The following PHIP variants were observed in gnomAD, a reference collection of about 807,000 sequenced individuals.
The protein encoded by PHIP is PHIP subunit of CUL4-Ring ligase complex.
A neutral mutation model predicts 236.8 loss-of-function variants in PHIP; 54 were observed. The observed-to-expected ratio is 0.23, with a 90% CI of 0.18 to 0.29. The LOEUF (loss-of-function observed/expected upper bound fraction) is 0.29, where lower values mean the gene tolerates loss of function less well. PHIP is among the 10% of genes least tolerant of loss of function. The probability of loss-of-function intolerance (pLI) is 1.00; values close to 1 mark genes in which losing one functional copy is unlikely to be tolerated. For synonymous variants in PHIP, 756 were observed against 718.9 expected (o/e 1.05, Z -0.83); for missense variants, 1,370 against 2,190.8 (o/e 0.63, Z 7.48).
At chr6:79,069,897 T>C (rs1773802151) in intron 4 of PHIP, among the ~76,000 whole-genome samples, 1 of 152,076 alleles carries the variant, frequency 6.6e-6, no homozygotes, top group Non-Finnish European at 1.5e-5. Context: ...TGTTAAGAAT[T>C]CATTTAGATA....
intron 27 of PHIP, among the ~76,000 whole-genome samples, chr6:78,969,207 C>G (rs117634185): frequency 4.9e-4 from 74 of 152,274 alleles, no homozygotes; most frequent in Non-Finnish European, 7.6e-4. Context: ...GACAAACCAC[C>G]ATGTCAATGC....
At chr6:79,016,747 T>C (rs1770849698) in intron 12 of PHIP, 105 bp from the exon 13 acceptor site, 1 of 662,752 alleles carries the variant, frequency 1.5e-6, no homozygotes, top group African/African-American at 1.8e-5. Flanking sequence ...CATCTTTATT[T>C]ATGCAGCATT....
At chr6:78,968,091 C>T (rs924828172) in intron 27 of PHIP, among the ~76,000 whole-genome samples, 1 of 152,062 alleles carries the variant, frequency 6.6e-6, no homozygotes, top group African/African-American at 2.4e-5. Flanking sequence ...GCCAAGATCA[C>T]GGCACTGCAC....
intron 6 of PHIP, among the ~76,000 whole-genome samples, chr6:79,052,847 G>A (rs1387957347): frequency 1.3e-5 from 2 of 152,046 alleles, no homozygotes; most frequent in Non-Finnish European, 2.9e-5. Context: ...ATCAACAAAT[G>A]GACAGAGCTG....
At chr6:79,013,463 C>A (rs1770691967) in intron 15 of PHIP, among the ~76,000 whole-genome samples, 1 of 151,706 alleles carries the variant, frequency 6.6e-6, no homozygotes, top group African/African-American at 2.4e-5. Context: ...ATATCCTCAT[C>A]TAACACTCTT....
intron 4 of PHIP, among the ~76,000 whole-genome samples, chr6:79,070,468 T>C (rs1032615382): frequency 5.8e-4 from 88 of 152,200 alleles, no homozygotes; most frequent in Non-Finnish European, 6.9e-4. Context: ...CTAAGTTGCC[T>C]AGAATTTAGT....
At chr6:79,052,986 T>C (rs934008993) in intron 6 of PHIP, among the ~76,000 whole-genome samples, 9 of 152,172 alleles carry the variant, frequency 5.9e-5, no homozygotes, top group African/African-American at 2.2e-4. Flanking sequence ...TATAATGTCA[T>C]TGGTTACTGC....
chr6:79,056,051 T>C (rs1016631569), intron 6 of PHIP, among the ~76,000 whole-genome samples: 2 of 152,200 alleles, frequency 1.3e-5, no homozygotes, highest in African/African-American at 4.8e-5. Context: ...ACTTTTCATT[T>C]AATATTTACT....
chr6:79,001,359 C>A (rs778710870), intron 17 of PHIP, among the ~76,000 whole-genome samples: 4 of 152,078 alleles, frequency 2.6e-5, no homozygotes, highest in Non-Finnish European at 4.4e-5. Context: ...CTCTTATAAA[C>A]CTTTAAAAGT....
intron 6 of PHIP, among the ~76,000 whole-genome samples, chr6:79,047,602 C>T (rs570482100): frequency 2.8e-4 from 43 of 152,210 alleles, no homozygotes; most frequent in South Asian, 1.5e-3. Flanking sequence ...GCAAGTTACT[C>T]GTTCTAAACT....
Position 79,077,454 on chromosome 6 carries a change from C to T in PHIP, c.183G>A (p.Gln61=). ...WTGKEHPRTY[Q]NLVKYYRHLA... Reference sequence around the variant, plus strand: ...TGCGACGTGAATGTCTCACCAGATTCTGGTAGGTCCTGGGATGCTCCTTCC... The same window carrying T: ...TGCGACGTGAATGTCTCACCAGATTTTGGTAGGTCCTGGGATGCTCCTTCC... Residue 61 remains glutamine (Q), a synonymous_variant, in exon 4 of 40, where the codon CAG becomes CAA. Coordinates refer to ENST00000275034, the MANE Select transcript of PHIP (RefSeq NM_017934.7). 1.2e-6 allele frequency: 2 copies of T among 1,602,558 alleles called. No individual in the cohort carries two copies. The highest frequency in any genetic ancestry group is 1.7e-6 in the Non-Finnish European group (2 of 1,173,158).
At chr6:79,065,678 C>CAA (rs1773586138) in intron 4 of PHIP, among the ~76,000 whole-genome samples, 1 of 151,206 alleles carries the variant, frequency 6.6e-6, no homozygotes, top group South Asian at 2.1e-4. Flanking sequence ...TGTGATTATA[C>CAA]ATTTAAAAGT....
chr6:79,033,623 C>T (rs1249511026), intron 7 of PHIP, among the ~76,000 whole-genome samples: 2 of 152,112 alleles, frequency 1.3e-5, no homozygotes, highest in African/African-American at 4.8e-5. Context: ...TTTGGATTAG[C>T]CTTTGGCTTA....
intron 23 of PHIP, 28 bp from the exon 24 acceptor site, chr6:78,978,739 A>G (rs750545243): frequency 6.4e-6 from 10 of 1,552,556 alleles, no homozygotes; most frequent in Non-Finnish European, 7.9e-6. Flanking sequence ...ATAATTGTTA[A>G]GTAATAATCA....
Position 78,935,518 on chromosome 6 carries a change from T to C in PHIP, c.*5175A>G. 1 of 977,844 alleles carries C rather than the reference T, an allele frequency of 1.0e-6. No individual in the cohort carries two copies. Among genetic ancestry groups the C allele is most frequent in the Non-Finnish European group, 1.2e-6 (1 of 823,080 alleles). 60.6% of individuals were successfully genotyped at this position (977,844 alleles called of 1,614,324 possible). A position where few individuals can be genotyped will look rare whatever the true frequency, so the allele number is the denominator to read the frequency against. The stretch of plus-strand genomic sequence containing the variant: ...AAGTGTTCCACTGAAATGTATCTCT[T>C]ACGAAAGTATCTGAATAGTGAAGTA... On this transcript the variant is annotated 3_prime_UTR_variant, in exon 40 of 40. Transcript: ENST00000275034.
At chr6:78,945,887 A>G in intron 38 of PHIP, 114 bp downstream of exon 38, 3 of 760,588 alleles carry the variant, frequency 3.9e-6, no homozygotes, top group South Asian at 2.0e-5. Flanking sequence ...AAAGAAGGCA[A>G]AAACAACAGT....
chr6:79,043,478 T>G (rs1268054524), intron 6 of PHIP, among the ~76,000 whole-genome samples: 3 of 152,132 alleles, frequency 2.0e-5, no homozygotes, highest in African/African-American at 7.2e-5. Context: ...AACATCTTTA[T>G]AACAAGTGAA....
At chr6:79,012,618 G>A (rs1027975816) in intron 15 of PHIP, among the ~76,000 whole-genome samples, 12 of 151,772 alleles carry the variant, frequency 7.9e-5, no homozygotes, top group Middle Eastern at 3.4e-3. Context: ...ATCAAGTATC[G>A]TGGTATTTTA....
intron 15 of PHIP, among the ~76,000 whole-genome samples, chr6:79,011,285 T>C (rs1044662961): frequency 6.6e-5 from 10 of 151,922 alleles, no homozygotes; most frequent in African/African-American, 1.9e-4. Flanking sequence ...GTTCAGTTGA[T>C]TCGTAAAGAA....
Sources: allele counts gnomAD v4.1 joint callset (sites outside exome capture counted in the v4.1 genomes callset), GRCh38; gene constraint gnomAD v4.1.1; transcripts MANE v1.5; gene names NCBI Gene and HGNC (gene_info 2026-07-23, HGNC 2026-07-21).